The following PCDHGA4 variants were observed in gnomAD, a reference collection of about 807,000 sequenced individuals.
PCDHGA4 encodes the protein protocadherin gamma subfamily A, 4.
In PCDHGA4, 38 loss-of-function variants were observed where a neutral mutation model predicts 54.6. The ratio of observed to expected loss-of-function variants is 0.70; its 90% confidence interval spans 0.54 to 0.91. The LOEUF (loss-of-function observed/expected upper bound fraction) is 0.91, where lower values mean the gene tolerates loss of function less well. PCDHGA4 is among the 40% of genes least tolerant of loss of function. The pLI is 0.00. For synonymous variants in PCDHGA4, 511 were observed against 512.9 expected, an observed-to-expected ratio of 1.00 and a Z score of 0.05; for missense variants, 1,298 against 1,220.9, an observed-to-expected ratio of 1.06 and a Z score of -0.94.
At position 141,486,417 on chromosome 5, in the gene PCDHGA4, G is replaced by T. The variant is rs1298448753; in HGVS notation, c.2515-8390G>T. On this transcript the variant is annotated intron_variant, in intron 1 of 3. Transcript: ENST00000571252. The surrounding 1 kb of genome is among the most constrained non-coding windows in gnomAD (Gnocchi z 5.0). ...CTGGTGACTGCTGGACCCTTGGATCGAGAGGCCAAATCTAGCTATGACATC... is the reference window on the plus strand; with the variant it reads ...CTGGTGACTGCTGGACCCTTGGATCTAGAGGCCAAATCTAGCTATGACATC... The T allele has an allele frequency of 6.2e-7, 1 of 1,614,014 alleles. No homozygotes were observed. The highest frequency in any genetic ancestry group is 1.7e-5 in the Admixed American group (1 of 60,010).
chr5:141,439,333 G>A (rs964224344), intron 1 of PCDHGA4, among the ~76,000 whole-genome samples: 1 of 152,154 alleles, frequency 6.6e-6, no homozygotes, highest in Non-Finnish European at 1.5e-5. Flanking sequence ...TGGAAAGAAA[G>A]ATTCTAAGCC....
At chr5:141,433,655 G>T (rs1227358856) in intron 1 of PCDHGA4, among the ~76,000 whole-genome samples, 2 of 152,036 alleles carry the variant, frequency 1.3e-5, no homozygotes, top group Non-Finnish European at 1.5e-5. Flanking sequence ...GACCAACATG[G>T]AGAAACCCCG....
In PCDHGA4 at chr5:141,476,875, C is replaced by T; in HGVS notation, c.2515-17932C>T. On this transcript the variant is annotated intron_variant, in intron 1 of 3. Coordinates refer to ENST00000571252, the MANE Select transcript of PCDHGA4 (RefSeq NM_018917.4). The surrounding 1 kb of genome is among the most constrained non-coding windows in gnomAD (Gnocchi z 7.6). ...ACCAGTCCTTGTACCGGGCGCGCGT[C>T]CTGGAGGATGCACCCTCCGGCACGC... 2 of 1,613,928 alleles carry T rather than the reference C, an allele frequency of 1.2e-6. No homozygotes were observed. Among genetic ancestry groups the T allele is most frequent in the Non-Finnish European group, 1.7e-6 (2 of 1,180,044 alleles).
chr5:141,362,466 G>A, intron 1 of PCDHGA4: 1 of 1,614,042 alleles, frequency 6.2e-7, no homozygotes, highest in Non-Finnish European at 8.5e-7. Flanking sequence ...TGGTTCCCGC[G>A]CAAGATCTCG....
rs145897132 is a variant in PCDHGA4, at chr5:141,395,374, T to C, written c.2514+37753T>C. The stretch of plus-strand genomic sequence containing the variant: ...CAGAGTTTTGGGTTTATTTTGGTGG[T>C]GTTACTATAAAATTGAACTCTAATA... On this transcript the variant is annotated intron_variant, in intron 1 of 3. Coordinates refer to ENST00000571252, the MANE Select transcript of PCDHGA4 (RefSeq NM_018917.4). 327 of 1,187,896 alleles carry C rather than the reference T, an allele frequency of 2.8e-4. 1 individual carries two copies. The African/African-American group carries it at 4.3e-3, about 16-fold the overall frequency. The allele number at this position is 1,187,896 out of a possible 1,614,324, so 73.6% of individuals were successfully genotyped here.
intron 1 of PCDHGA4, chr5:141,393,882 T>G (rs1471060639): frequency 6.2e-7 from 1 of 1,614,028 alleles, no homozygotes; most frequent in South Asian, 1.1e-5. Flanking sequence ...TAGCCCAGTG[T>G]TAGAAAATTC....
At chr5:141,360,338 T>C in intron 1 of PCDHGA4, 1 of 1,613,830 alleles carries the variant, frequency 6.2e-7, no homozygotes, top group East Asian at 2.2e-5. Flanking sequence ...AAGCTGCGGG[T>C]TAGCGCGGAG....
chr5:141,410,699 A>G (rs760193148), intron 1 of PCDHGA4: 1 of 1,478,344 alleles, frequency 6.8e-7, no homozygotes, highest in East Asian at 2.3e-5. Flanking sequence ...CTTTATTTTC[A>G]TATCTAGAAT....
intron 1 of PCDHGA4, chr5:141,388,188 T>C: frequency 6.5e-7 from 1 of 1,540,372 alleles, no homozygotes; most frequent in South Asian, 1.1e-5. Context: ...GAAGCCAGCT[T>C]GTGCTCTGGA....
At chr5:141,400,172 C>G in intron 1 of PCDHGA4, 1 of 1,614,082 alleles carries the variant, frequency 6.2e-7, no homozygotes, top group Non-Finnish European at 8.5e-7. Context: ...GACCCCCAGG[C>G]TGAGCTGCAG....
intron 1 of PCDHGA4, chr5:141,400,486 CT>C: frequency 1.2e-6 from 2 of 1,614,034 alleles, no homozygotes; most frequent in African/African-American, 1.3e-5. Context: ...CTTATTTCCA[CT>C]TTGTAATTCC....
At chr5:141,426,451 C>A in intron 1 of PCDHGA4, 1 of 308,946 alleles carries the variant, frequency 3.2e-6, no homozygotes, top group South Asian at 3.0e-5. Flanking sequence ...GGACATGCGG[C>A]TGCATGTTCA....
Position 141,356,228 on chromosome 5 carries a change from A to G in PCDHGA4, c.1121A>G (p.Asn374Ser), listed in dbSNP as rs767896442. ...GTGACAGTTCTGGATGAAAATGACA[A>G]CGCACCAGAAGTCACAGTTACATCT... ...VLVTVLDEND[N>S]APEVTVTSLT... The change falls in exon 1 of 4, where the codon AAC (asparagine) becomes AGC (serine). Residue 374 changes from asparagine (N) to serine (S), a missense_variant. By Grantham distance (46) the Asn-to-Ser change is conservative (BLOSUM62 1). Coordinates refer to ENST00000571252, the MANE Select transcript of PCDHGA4 (RefSeq NM_018917.4). 11 of 1,593,694 alleles carry G rather than the reference A, an allele frequency of 6.9e-6. No homozygotes were observed. The highest frequency in any genetic ancestry group is 1.8e-5 in the Admixed American group (1 of 56,356).
chr5:141,388,408 G>A (rs2091351933), intron 1 of PCDHGA4: 1 of 1,613,848 alleles, frequency 6.2e-7, no homozygotes, highest in African/African-American at 1.3e-5. Context: ...CTCAGTCCCA[G>A]TGATCATTTC....
intron 1 of PCDHGA4, among the ~76,000 whole-genome samples, chr5:141,368,280 A>G (rs778182605): frequency 2.6e-5 from 4 of 152,160 alleles, no homozygotes; most frequent in African/African-American, 7.2e-5. Context: ...ACCTAAGACC[A>G]CTTGATTTTT....
At chr5:141,368,055 A>G (rs531662241) in intron 1 of PCDHGA4, among the ~76,000 whole-genome samples, 10 of 152,346 alleles carry the variant, frequency 6.6e-5, no homozygotes, top group Non-Finnish European at 1.0e-4. Flanking sequence ...TAATGAAAGA[A>G]CTACTATATT....
chr5:141,366,986 G>T, intron 1 of PCDHGA4: 1 of 493,134 alleles, frequency 2.0e-6, no homozygotes, highest in Non-Finnish European at 3.4e-6. Context: ...AAGGAAAGTG[G>T]TTAAATATAA....
chr5:141,392,659 A>G, intron 1 of PCDHGA4: 1 of 788,300 alleles, frequency 1.3e-6, no homozygotes, highest in Non-Finnish European at 1.9e-6. Context: ...CGCAGATGCC[A>G]CAAACTAACT....
chr5:141,459,284 A>C (rs2098965103), intron 1 of PCDHGA4, among the ~76,000 whole-genome samples: 1 of 152,174 alleles, frequency 6.6e-6, no homozygotes, highest in African/African-American at 2.4e-5. Flanking sequence ...ATTTCATCTA[A>C]ATGGAATCCT....
Sources: allele counts gnomAD v4.1 joint callset (sites outside exome capture counted in the v4.1 genomes callset), GRCh38; gene constraint gnomAD v4.1.1; non-coding constraint Gnocchi (gnomAD v3.1); transcripts MANE v1.5; gene names NCBI Gene and HGNC (gene_info 2026-07-23, HGNC 2026-07-21).